OR56A3: variants seen among roughly 807,000 people sequenced by gnomAD.
OR56A3 encodes the protein olfactory receptor family 56 subfamily A member 3.
Under a neutral mutation model 17.5 loss-of-function variants are expected in OR56A3, and 23 were observed. The observed-to-expected ratio is 1.32, with a 90% CI of 0.95 to 1.87. The LOEUF is 1.87. Among genes scored for constraint, OR56A3 ranks in the 40% most tolerant of loss-of-function variants. The probability of loss-of-function intolerance (pLI) is 0.00; values close to 1 mark genes in which losing one functional copy is unlikely to be tolerated. For missense variants in OR56A3, 366 were observed against 380.1 expected (o/e 0.96, Z 0.31); for synonymous variants, 175 against 150.6 (o/e 1.16, Z -1.19).
chr11:5,948,537 C>A lies in OR56A3; in HGVS notation c.*243C>A. The A allele has an allele frequency of 2.2e-6, 1 of 463,996 alleles. No homozygotes were observed. Among genetic ancestry groups the A allele is most frequent in the Non-Finnish European group, 3.8e-6 (1 of 262,432 alleles). 28.7% of individuals were successfully genotyped at this position (463,996 alleles called of 1,614,324 possible). A position where few individuals can be genotyped will look rare whatever the true frequency, so the allele number is the denominator to read the frequency against. ...TTATAATCATATTTTGTCCAAAACACTGACATTCCTTAAAGCAGATTTTAA... is the reference window on the plus strand; with the variant it reads ...TTATAATCATATTTTGTCCAAAACAATGACATTCCTTAAAGCAGATTTTAA... On this transcript the variant is annotated 3_prime_UTR_variant, in exon 3 of 3. Coordinates refer to ENST00000641160, the MANE Select transcript of OR56A3 (RefSeq NM_001003443.3).
At chr11:6,010,420 T>G in the OR56A3 span, among the ~76,000 whole-genome samples, 6 of 152,148 alleles carry the variant, frequency 3.9e-5, no homozygotes, top group Non-Finnish European at 7.4e-5. Flanking sequence ...GGGAGGTGAT[T>G]AGGGCATGAG....
the OR56A3 span, chr11:5,985,864 A>G: frequency 8.8e-6 from 12 of 1,369,538 alleles, no homozygotes; most frequent in African/African-American, 1.5e-5. Flanking sequence ...GTATTCATGT[A>G]ATCTACACCA....
At chr11:5,974,682 G>A in the OR56A3 span, among the ~76,000 whole-genome samples, 2 of 152,194 alleles carry the variant, frequency 1.3e-5, no homozygotes, top group African/African-American at 4.8e-5. Context: ...AGGACCTATG[G>A]TGAGAAGGAC....
At chr11:5,946,253 T>C (rs1318329033) in intron 2 of OR56A3, among the ~76,000 whole-genome samples, 1 of 152,276 alleles carries the variant, frequency 6.6e-6, no homozygotes, top group Non-Finnish European at 1.5e-5. Flanking sequence ...CCTAATAATT[T>C]GTGCATATCT....
chr11:6,018,026 A>C, the OR56A3 span, among the ~76,000 whole-genome samples: 20 of 148,832 alleles, frequency 1.3e-4, no homozygotes, highest in East Asian at 4.0e-3. Flanking sequence ...TATAACAATT[A>C]TGTGTGTGTG....
rs990315014 is a variant in OR56A3, at chr11:5,950,839, G to C, written c.*2545G>C. On this transcript the variant is annotated 3_prime_UTR_variant, in exon 3 of 3. Transcript: ENST00000641160. ...AGCATTCAATAGCCACGTGAGGCTA[G>C]TGACTATGGTATTAATCAGTACTAC... The C allele has an allele frequency of 6.6e-6, 1 of 152,134 alleles. No homozygotes were observed. The allele number at this position is 152,134 out of a possible 1,614,324, so 9.4% of individuals were successfully genotyped here. A position where few individuals can be genotyped will look rare whatever the true frequency, so the allele number is the denominator to read the frequency against.
chr11:5,956,227 AG>A (rs1255935846), downstream of OR56A3, among the ~76,000 whole-genome samples: 1 of 152,260 alleles, frequency 6.6e-6, no homozygotes, highest in African/African-American at 2.4e-5. Context: ...CTGATGATTC[AG>A]AAGATTATGA....
chr11:5,965,295 T>A, the OR56A3 span, among the ~76,000 whole-genome samples: 1 of 152,140 alleles, frequency 6.6e-6, no homozygotes, highest in Non-Finnish European at 1.5e-5. Context: ...CAAACAGAAA[T>A]CAAATAGTAA....
intron 2 of OR56A3, among the ~76,000 whole-genome samples, chr11:5,946,444 G>A (rs1847870050): frequency 6.6e-6 from 1 of 152,190 alleles, no homozygotes; most frequent in African/African-American, 2.4e-5. Flanking sequence ...CTACTGTCAG[G>A]AGAGAGGGAA....
At chr11:5,977,987 G>A in the OR56A3 span, among the ~76,000 whole-genome samples, 1 of 152,118 alleles carries the variant, frequency 6.6e-6, no homozygotes, top group African/African-American at 2.4e-5. Flanking sequence ...GCTTGTTATT[G>A]TTGACTTTGT....
chr11:6,004,301 C>T, the OR56A3 span, among the ~76,000 whole-genome samples: 1 of 152,020 alleles, frequency 6.6e-6, no homozygotes, highest in Non-Finnish European at 1.5e-5. Context: ...TTGCAGTGAG[C>T]CGAGATCACG....
the OR56A3 span, among the ~76,000 whole-genome samples, chr11:5,980,596 G>C: frequency 2.0e-5 from 3 of 152,118 alleles, no homozygotes; most frequent in Non-Finnish European, 4.4e-5. Context: ...CAAGGCTCTT[G>C]AAGACAGCAT....
intron 1 of OR56A3, among the ~76,000 whole-genome samples, chr11:5,942,585 TG>T: frequency 6.6e-6 from 1 of 152,220 alleles, no homozygotes; most frequent in South Asian, 2.1e-4. Flanking sequence ...ACAAAGAATA[TG>T]CCTACCAGTG....
chr11:5,987,320 C>CA, the OR56A3 span, among the ~76,000 whole-genome samples: 1 of 152,138 alleles, frequency 6.6e-6, no homozygotes, highest in South Asian at 2.1e-4. Flanking sequence ...GAGTTGTTCC[C>CA]CCTGTAGCCT....
downstream of OR56A3, among the ~76,000 whole-genome samples, chr11:5,953,481 C>T (rs1847918614): frequency 6.6e-6 from 1 of 152,078 alleles, no homozygotes; most frequent in Admixed American, 6.6e-5. Context: ...GTCTTTTGCC[C>T]ATCTTAATAG....
the OR56A3 span, chr11:5,967,467 A>G: frequency 5.1e-6 from 5 of 981,598 alleles, no homozygotes; most frequent in Admixed American, 5.9e-5. Flanking sequence ...TTCTCGCAGT[A>G]ACAATTTAAA....
chr11:5,989,931 A>G, the OR56A3 span, among the ~76,000 whole-genome samples: 1 of 152,264 alleles, frequency 6.6e-6, no homozygotes, highest in South Asian at 2.1e-4. Context: ...CAATTACCAA[A>G]GAGTAGATGT....
the OR56A3 span, among the ~76,000 whole-genome samples, chr11:5,988,667 G>T: frequency 2.0e-5 from 3 of 152,054 alleles, no homozygotes; most frequent in Non-Finnish European, 4.4e-5. Context: ...TTTCTTCTTT[G>T]TCTCCATGAC....
the OR56A3 span, chr11:6,002,030 T>C: frequency 6.5e-7 from 1 of 1,526,786 alleles, no homozygotes. Flanking sequence ...ACTCTAAAGG[T>C]GGATCTAATC....
Sources: gnomAD v4.1 joint callset for allele counts (sites outside exome capture counted in the v4.1 genomes callset) on GRCh38, gnomAD v4.1.1 for gene constraint, MANE v1.5 for transcripts, NCBI Gene and HGNC (gene_info 2026-07-23, HGNC 2026-07-21) for gene names.